SOS2: variants seen among roughly 807,000 people sequenced by gnomAD.
SOS2 encodes SOS Ras/Rho guanine nucleotide exchange factor 2, also known as son of sevenless homolog 2.
In SOS2, 65 loss-of-function variants were observed where a neutral mutation model predicts 148.2. That is an observed-to-expected ratio of 0.44 (90% CI 0.36 to 0.54). SOS2 has a LOEUF of 0.54. SOS2 is among the 20% of genes least tolerant of loss of function. The pLI is 0.00. For synonymous variants in SOS2, 539 were observed against 537.1 expected (o/e 1.00, Z -0.05); for missense variants, 1,341 against 1,590.2 (o/e 0.84, Z 2.67).
chr14:50,138,726 C>A lies in SOS2; in HGVS notation c.2844G>T (p.Lys948Asn). The change falls in exon 18 of 23, where the codon AAG (lysine) becomes AAT (asparagine). Residue 948 changes from lysine (K) to asparagine (N), a missense_variant. By Grantham distance (94) the Lys-to-Asn change is moderately conservative. Around this residue, in one of 4 missense-constraint regions of SOS2, gnomAD observed 408 missense variants for 506.6 expected, o/e 0.81. Coordinates refer to ENST00000216373, the MANE Select transcript of SOS2 (RefSeq NM_006939.4). Reference sequence around the variant, plus strand: ...TGAAATTGATTAAATCTTTCCCTTTCTTTTTTAAAAAATCATTATTCCCTT... The same window carrying A: ...TGAAATTGATTAAATCTTTCCCTTTATTTTTTAAAAAATCATTATTCCCTT... ...TEEGNNDFLK[K>N]KGKDLINFSK... 1 of 1,297,224 alleles carries A rather than the reference C, an allele frequency of 7.7e-7. No homozygotes were observed. Among genetic ancestry groups the A allele is most frequent in the Non-Finnish European group, 1.1e-6 (1 of 914,516 alleles). 80.4% of individuals were successfully genotyped at this position (1,297,224 alleles called of 1,614,324 possible).
chr14:50,196,667 A>C (rs991907756), intron 4 of SOS2, among the ~76,000 whole-genome samples: 3 of 152,180 alleles, frequency 2.0e-5, no homozygotes, highest in African/African-American at 7.2e-5. Flanking sequence ...AATAAATGTT[A>C]ATCAGCTTGA....
Position 50,182,625 on chromosome 14 carries a change from G to T in SOS2, c.715-19C>A. On this transcript the variant is annotated intron_variant, in intron 5 of 22. Coordinates refer to ENST00000216373, the MANE Select transcript of SOS2 (RefSeq NM_006939.4). ...CGATATCCTGAAAAAAGAGAAGGAA[G>T]GTTAAGAAATGTGAGATTGAGAATT... The T allele has an allele frequency of 1.3e-6, 2 of 1,585,582 alleles. No homozygotes were observed. The highest frequency in any genetic ancestry group is 1.7e-6 in the Non-Finnish European group (2 of 1,159,754).
chr14:50,147,782 A>T (rs1884537173), intron 14 of SOS2, among the ~76,000 whole-genome samples: 1 of 152,186 alleles, frequency 6.6e-6, no homozygotes, highest in South Asian at 2.1e-4. Context: ...TAAAATTCAG[A>T]CAGAAGAGCA....
At position 50,182,515 on chromosome 14, in the gene SOS2, T is replaced by C. The variant is rs1885777114; in HGVS notation, c.806A>G (p.Asp269Gly). 1.9e-6 allele frequency: 3 copies of C among 1,613,184 alleles called. No individual in the cohort carries two copies. Among genetic ancestry groups the C allele is most frequent in the South Asian group, 1.1e-5 (1 of 91,070 alleles). ...AGCTAAGGGATGAGGACTGCTTTCA[T>C]CAGTCATTTCAACTGTGTCTTCAAT... is the stretch of plus-strand genomic sequence containing the variant. ...GLIEDTVEMT[D>G]ESSPHPLAGS... Residue 269 changes from aspartate (D) to glycine (G), a missense_variant, in exon 6 of 23, where the codon GAT (aspartate) becomes GGT (glycine). By Grantham distance (94) the Asp-to-Gly change is moderately conservative. Coordinates refer to ENST00000216373, the MANE Select transcript of SOS2 (RefSeq NM_006939.4).
At chr14:50,129,266 T>C (rs1334875510) in intron 21 of SOS2, among the ~76,000 whole-genome samples, 1 of 152,122 alleles carries the variant, frequency 6.6e-6, no homozygotes, top group Non-Finnish European at 1.5e-5. Flanking sequence ...AAACATTTAC[T>C]ATATTATTGC....
At chr14:50,208,018 C>A (rs1350173726) in intron 1 of SOS2, among the ~76,000 whole-genome samples, 1 of 151,952 alleles carries the variant, frequency 6.6e-6, no homozygotes, top group Non-Finnish European at 1.5e-5. Context: ...TTTGTGGGCC[C>A]GGCACGGAGG....
chr14:50,198,491 G>C (rs1255820786), intron 4 of SOS2, among the ~76,000 whole-genome samples: 2 of 152,176 alleles, frequency 1.3e-5, no homozygotes, highest in East Asian at 1.9e-4. Context: ...CTGCACATCA[G>C]AATTACCTGG....
chr14:50,145,897 G>A (rs1297333592), intron 14 of SOS2, among the ~76,000 whole-genome samples: 2 of 152,184 alleles, frequency 1.3e-5, no homozygotes, highest in Non-Finnish European at 2.9e-5. Flanking sequence ...CGCTTTGGGA[G>A]GCCGAGGCAG....
chr14:50,125,974 T>C (rs1044524985), intron 21 of SOS2, among the ~76,000 whole-genome samples: 1 of 152,236 alleles, frequency 6.6e-6, no homozygotes, highest in African/African-American at 2.4e-5. Context: ...AGAAAATGCC[T>C]ACAGATTCTA....
At chr14:50,132,515 G>A (rs917488826) in intron 19 of SOS2, among the ~76,000 whole-genome samples, 1 of 151,888 alleles carries the variant, frequency 6.6e-6, no homozygotes, top group African/African-American at 2.4e-5. Context: ...ACAAAAATTA[G>A]CCGGGCGTAG....
intron 14 of SOS2, among the ~76,000 whole-genome samples, chr14:50,145,997 G>A (rs1746438808): frequency 6.6e-6 from 1 of 152,006 alleles, no homozygotes; most frequent in Non-Finnish European, 1.5e-5. Flanking sequence ...GCCGGGCATG[G>A]TGGCACCTGC....
chr14:50,204,270 A>G lies in SOS2; in HGVS notation c.213+14T>C, dbSNP rs778308251. On this transcript the variant is annotated intron_variant, in intron 2 of 22. Transcript: ENST00000216373. ...TGGTTGAGTGACTTTTTGAAATGAC[A>G]AAATAATTTTTACCTCTACATCTTG... 6.5e-7 allele frequency: 1 copy of G among 1,547,214 alleles called. No individual in the cohort carries two copies. The highest frequency in any genetic ancestry group is 1.2e-5 in the South Asian group (1 of 80,506).
intron 18 of SOS2, among the ~76,000 whole-genome samples, chr14:50,137,648 A>T (rs975800629): frequency 5.3e-5 from 8 of 151,734 alleles, no homozygotes; most frequent in South Asian, 2.1e-4. Context: ...AAGATCTAAA[A>T]TTTTTTTTTA....
Position 50,118,470 on chromosome 14 carries a change from A to G in SOS2, c.3873T>C (p.Pro1291=), listed in dbSNP as rs1883378933. The G allele has an allele frequency of 1.2e-6, 2 of 1,614,002 alleles. No homozygotes were observed. The highest frequency in any genetic ancestry group is 8.5e-7 in the Non-Finnish European group (1 of 1,180,020). Residue 1291 remains proline, a synonymous_variant, in exon 23 of 23, where the codon CCT becomes CCC. Coordinates refer to ENST00000216373, the MANE Select transcript of SOS2 (RefSeq NM_006939.4). ...GGCTTGAATTCTGCCTTGGTGGAAC[A>G]GGGGGAGCTGGAGGATGAGCAAGAT... ...QNNLAHPPAP[P]VPPRQNSSPH...
Position 50,150,147 on chromosome 14 carries a change from T to C in SOS2, c.2245A>G (p.Asn749Asp), listed in dbSNP as rs764992819. The C allele has an allele frequency of 5.7e-5, 92 of 1,613,344 alleles. No homozygotes were observed. Among genetic ancestry groups the C allele is most frequent in the Non-Finnish European group, 7.6e-5 (90 of 1,179,360 alleles). Residue 749 changes from asparagine (N) to aspartate (D), a missense_variant, in exon 14 of 23, where the codon AAT (asparagine) becomes GAT (aspartate). This residue lies in a region of SOS2 where 408 missense variants were observed against 506.6 expected (regional missense o/e 0.81). Transcript: ENST00000216373. Reference sequence around the variant, plus strand: ...GGAGGTGGACTTTCAAAGGTAATATTATGGCTTACTCCGTTTGCCTGAGCT... The same window carrying C: ...GGAGGTGGACTTTCAAAGGTAATATCATGGCTTACTCCGTTTGCCTGAGCT... ...KQAQANGVSH[N>D]ITFESPPPPI... is the part of the protein sequence containing the mutation.
intron 8 of SOS2, among the ~76,000 whole-genome samples, chr14:50,172,419 C>CTTTTTTTATTTT (rs1885393111): frequency 1.2e-5 from 1 of 82,762 alleles, no homozygotes; most frequent in Non-Finnish European, 2.2e-5. Flanking sequence ...TTATTCATTC[C>CTTTTTTTATTTT]TTTTTTTTTT....
intron 1 of SOS2, among the ~76,000 whole-genome samples, chr14:50,215,696 G>A (rs1252243821): frequency 6.6e-6 from 1 of 151,764 alleles, no homozygotes; most frequent in African/African-American, 2.4e-5. Context: ...TGCACAATGT[G>A]CACATGTACC....
At chr14:50,223,727 C>T (rs569484912) in intron 1 of SOS2, among the ~76,000 whole-genome samples, 1 of 151,930 alleles carries the variant, frequency 6.6e-6, no homozygotes, top group Non-Finnish European at 1.5e-5. Flanking sequence ...CACCTGTAGT[C>T]CCAGCTATAT....
chr14:50,161,696 T>C (rs1885013681), intron 8 of SOS2, 87 bp from the exon 9 acceptor site: 1 of 1,198,206 alleles, frequency 8.3e-7, no homozygotes, highest in Non-Finnish European at 1.2e-6. Context: ...GCAACAAATA[T>C]TATCAACTCT....
Sources: allele counts gnomAD v4.1 joint callset (sites outside exome capture counted in the v4.1 genomes callset), GRCh38; gene constraint gnomAD v4.1.1; regional missense constraint gnomAD v4.1.1; transcripts MANE v1.5; gene names NCBI Gene and HGNC (gene_info 2026-07-23, HGNC 2026-07-21).